NEK5: variants seen among roughly 807,000 people sequenced by gnomAD.
NEK5 encodes the protein serine/threonine-protein kinase Nek5.
In NEK5, 88 loss-of-function variants were observed where a neutral mutation model predicts 109.2. The ratio of observed to expected loss-of-function variants is 0.81; its 90% CI spans 0.68 to 0.96. The LOEUF (loss-of-function observed/expected upper bound fraction) is 0.96. Among genes scored for constraint, NEK5 ranks in the 40% least tolerant of loss-of-function variants. The probability of loss-of-function intolerance (pLI) is 0.00; values close to 1 mark genes in which losing one functional copy is unlikely to be tolerated. For missense variants in NEK5, 834 were observed against 920.7 expected, an observed-to-expected ratio of 0.91 and a Z score of 1.22; for synonymous variants, 283 against 299.9, an observed-to-expected ratio of 0.94 and a Z score of 0.58.
chr13:52,093,147 G>A lies in NEK5; in HGVS notation c.1115C>T (p.Ala372Val), dbSNP rs1323072217. The A allele has an allele frequency of 3.1e-6, 5 of 1,612,476 alleles. No individual in the cohort carries two copies. The African/African-American group carries it at 5.3e-5, about 17-fold the overall frequency. ...YAQLDMLRRRAHKPSYHPIPQ... is the reference protein window; with the variant it reads ...YAQLDMLRRRVHKPSYHPIPQ... ...AATAGGGTGATAACTTGGTTTGTGG[G>A]CTCTCCTCCTCAGCATATCAAGTTG... The change falls in exon 13 of 24, where the codon GCC becomes GTC. Residue 372 changes from alanine (A) to valine (V), a missense_variant. Physicochemically the swap from Ala to Val is moderately conservative, Grantham distance 64. Around this residue, in one of 2 missense-constraint regions of NEK5, gnomAD observed 777 missense variants for 824.7 expected, o/e 0.94. Transcript: ENST00000684899.
At chr13:52,054,527 C>T (rs530282718) in intron 22 of NEK5, among the ~76,000 whole-genome samples, 3 of 152,200 alleles carry the variant, frequency 2.0e-5, no homozygotes, top group Non-Finnish European at 2.9e-5. Context: ...CAGCAGTAAC[C>T]TCTGCAGACT....
At chr13:52,076,203 C>T (rs546228596) in intron 17 of NEK5, 60 bp from the exon 18 acceptor site, 15 of 863,004 alleles carry the variant, frequency 1.7e-5, no homozygotes, top group South Asian at 1.6e-4. Context: ...TTGATTTCTG[C>T]GTTAAATCTG....
intron 17 of NEK5, among the ~76,000 whole-genome samples, chr13:52,080,183 G>A (rs1183877779): frequency 3.4e-5 from 5 of 148,730 alleles, no homozygotes; most frequent in East Asian, 2.0e-4. Flanking sequence ...GTCAGCCCCC[G>A]CCAGGCCAGC....
chr13:52,110,531 T>C lies in NEK5; in HGVS notation c.359A>G (p.His120Arg). The C allele has an allele frequency of 6.2e-7, 1 of 1,612,930 alleles. No individual in the cohort carries two copies. The highest frequency in any genetic ancestry group is 8.5e-7 in the Non-Finnish European group (1 of 1,179,132). ...GTCCCTGTGTAATATCTTCCTGTCA[T>C]GAATATGTTTTAGTCCTAGAGAAAT... ...VQISLGLKHI[H>R]DRKILHRDIK... Residue 120 changes from histidine (H) to arginine (R), a missense_variant, in exon 6 of 24, where the codon CAT becomes CGT. By Grantham distance (29) the His-to-Arg change is conservative. This residue lies in a region of NEK5 where 777 missense variants were observed against 824.7 expected (regional missense o/e 0.94). Transcript: ENST00000684899.
At chr13:52,097,912 TA>T (rs1955450489) in intron 12 of NEK5, among the ~76,000 whole-genome samples, 12 of 151,956 alleles carry the variant, frequency 7.9e-5, no homozygotes, top group Non-Finnish European at 2.9e-5. Flanking sequence ...GTGATTAGAT[TA>T]TGGGGACAGA....
chr13:52,043,041 C>A (rs530460844), intron 23 of NEK5, among the ~76,000 whole-genome samples: 3 of 151,258 alleles, frequency 2.0e-5, no homozygotes, highest in Admixed American at 6.6e-5. Context: ...TACAGCATAA[C>A]AAAATCACAA....
At chr13:52,068,886 G>A (rs1278456118) in intron 20 of NEK5, among the ~76,000 whole-genome samples, 7 of 151,700 alleles carry the variant, frequency 4.6e-5, no homozygotes, top group African/African-American at 1.2e-4. Context: ...CAGGAGAATC[G>A]CTTGAACCCA....
At chr13:52,074,816 TAGAAAG>T (rs1250263374) in intron 19 of NEK5, among the ~76,000 whole-genome samples, 1 of 152,016 alleles carries the variant, frequency 6.6e-6, no homozygotes, top group Non-Finnish European at 1.5e-5. Context: ...GGACAAAAGA[TAGAAAG>T]AGACACTTCT....
In NEK5 at chr13:52,067,033, C is replaced by T. The variant is rs188884399; in HGVS notation, c.1850-1424G>A. On this transcript the variant is annotated intron_variant, in intron 20 of 23. Transcript: ENST00000684899. ...TTTTCATTTGTGCTGAATTATGATA[C>T]ATACTAGGATCTGTTTCTAACTTTC... 2.4e-4 allele frequency among the ~76,000 whole-genome samples: 37 copies of T among 152,262 alleles called. 2 individuals carry two copies. In the East Asian group the frequency reaches 6.9e-3, roughly 29 times the overall value.
chr13:52,111,975 T>A (rs1304404754), intron 5 of NEK5, among the ~76,000 whole-genome samples: 2 of 151,604 alleles, frequency 1.3e-5, no homozygotes, highest in Admixed American at 1.3e-4. Flanking sequence ...CACATTCAGA[T>A]TTTTTTTTAA....
chr13:52,080,733 T>C (rs1287406022), intron 17 of NEK5, among the ~76,000 whole-genome samples: 4 of 151,982 alleles, frequency 2.6e-5, no homozygotes, highest in Non-Finnish European at 4.4e-5. Flanking sequence ...TAATCTCAAG[T>C]ACCCAGGGAC....
chr13:52,048,820 G>A (rs972515262), intron 23 of NEK5, among the ~76,000 whole-genome samples: 2 of 152,184 alleles, frequency 1.3e-5, no homozygotes, highest in East Asian at 1.9e-4. Flanking sequence ...AGGGGCTGGG[G>A]TTGGGAGAAG....
At position 52,065,502 on chromosome 13, in the gene NEK5, AGGTGGAG is replaced by A; in HGVS notation, c.1950_1956del (p.Ser651AlafsTer12). ...GACTCACTGTCAGGCCCCGTGGGGCAGGTGGAGGTGATGTCGGCCACTGCCATCATCT... is the reference window on the plus strand; with the variant it reads ...GACTCACTGTCAGGCCCCGTGGGGCAGTGATGTCGGCCACTGCCATCATCT... On this transcript the variant is annotated frameshift_variant, in exon 21 of 24. Transcript: ENST00000684899. LOFTEE classifies it high-confidence loss of function. The A allele has an allele frequency of 6.2e-7, 1 of 1,613,976 alleles. No individual in the cohort carries two copies. Among genetic ancestry groups the A allele is most frequent in the East Asian group, 2.2e-5 (1 of 44,886 alleles).
At chr13:52,116,714 T>C (rs1345740740) in intron 4 of NEK5, among the ~76,000 whole-genome samples, 1 of 152,198 alleles carries the variant, frequency 6.6e-6, no homozygotes, top group African/African-American at 2.4e-5. Context: ...TATGTAGTAA[T>C]AGAAAACAAA....
intron 22 of NEK5, among the ~76,000 whole-genome samples, chr13:52,059,970 A>T (rs879736050): frequency 3.3e-5 from 5 of 151,972 alleles, no homozygotes; most frequent in Non-Finnish European, 5.9e-5. Flanking sequence ...AAAAATAAAA[A>T]AATAATAATA....
chr13:52,044,702 A>C (rs1362687220), intron 23 of NEK5, among the ~76,000 whole-genome samples: 3 of 152,198 alleles, frequency 2.0e-5, no homozygotes, highest in Non-Finnish European at 4.4e-5. Context: ...TATATCAAAA[A>C]GATTTGTGGG....
chr13:52,103,320 C>T (rs770431942), intron 9 of NEK5, among the ~76,000 whole-genome samples: 53 of 152,022 alleles, frequency 3.5e-4, no homozygotes, highest in Non-Finnish European at 5.4e-4. Context: ...AATCCCAGCT[C>T]CTCGGGAGGC....
In NEK5 at chr13:52,120,375, T is replaced by C. The variant is rs547645770; in HGVS notation, c.118-960A>G. On this transcript the variant is annotated intron_variant, in intron 3 of 23. Transcript: ENST00000684899. ...TTAAAAAATTCCTAACTACTATTTA[T>C]TTAAAAGAATATTATAAACAAAATT... is the stretch of plus-strand genomic sequence containing the variant. 2.0e-5 allele frequency among the ~76,000 whole-genome samples: 3 copies of C among 152,178 alleles called. No individual in the cohort carries two copies. The South Asian group carries it at 6.2e-4, about 32-fold the overall frequency.
At chr13:52,061,553 T>C (rs2137739384) in intron 22 of NEK5, among the ~76,000 whole-genome samples, 1 of 152,334 alleles carries the variant, frequency 6.6e-6, no homozygotes. Context: ...GATCGTCAGC[T>C]ACAAAGCCAC....
Sources: gnomAD v4.1 joint callset for allele counts (sites outside exome capture counted in the v4.1 genomes callset) on GRCh38, gnomAD v4.1.1 for gene constraint, gnomAD v4.1.1 regional missense constraint, MANE v1.5 for transcripts, NCBI Gene and HGNC (gene_info 2026-07-23, HGNC 2026-07-21) for gene names.